AP3D1: variants seen among roughly 807,000 people sequenced by gnomAD.
AP3D1 encodes AP-3 complex subunit delta-1.
Under a neutral mutation model 147.6 loss-of-function variants are expected in AP3D1, and 51 were observed. The ratio of observed to expected loss-of-function variants is 0.35; its 90% CI spans 0.28 to 0.44. The LOEUF (loss-of-function observed/expected upper bound fraction) is 0.44. Ranked by LOEUF, AP3D1 falls within the 20% of genes least tolerant of loss-of-function variation. The pLI, the probability that AP3D1 is intolerant of heterozygous loss-of-function variation, is 1.00. For missense variants in AP3D1, 1,421 were observed against 1,624.2 expected, an observed-to-expected ratio of 0.87 and a Z score of 2.15; for synonymous variants, 760 against 663.0, an observed-to-expected ratio of 1.15 and a Z score of -2.25.
At position 2,122,918 on chromosome 19, in the gene AP3D1, C is replaced by T. The variant is rs117828831; in HGVS notation, c.955+440G>A. On this transcript the variant is annotated intron_variant, in intron 11 of 31. Coordinates refer to ENST00000643116, the MANE Select transcript of AP3D1 (RefSeq NM_001261826.3). ...ATTCTGATTCCTCAACAGAGCAGCA[C>T]GGGGGCACCCACATGCAGGCAGGCA... Among the ~76,000 whole-genome samples the T allele has an allele frequency of 2.6e-4, 40 of 152,346 alleles. No individual in the cohort carries two copies. In the East Asian group the frequency reaches 7.1e-3, roughly 27 times the overall value.
chr19:2,115,764 C>G (rs555614235), intron 18 of AP3D1, 151 bp from the exon 19 acceptor site: 3 of 783,552 alleles, frequency 3.8e-6, no homozygotes, highest in Non-Finnish European at 6.0e-6. Context: ...GCGCCGTGAG[C>G]GAGCGCATCC....
At chr19:2,149,423 A>G (rs1290258597) in intron 1 of AP3D1, among the ~76,000 whole-genome samples, 1 of 152,028 alleles carries the variant, frequency 6.6e-6, no homozygotes, top group Non-Finnish European at 1.5e-5. Context: ...GCATGCCTGT[A>G]ATCCCAGCTA....
intron 1 of AP3D1, among the ~76,000 whole-genome samples, chr19:2,139,825 C>T (rs540089741): frequency 4.6e-5 from 7 of 152,304 alleles, no homozygotes; most frequent in South Asian, 4.1e-4. Flanking sequence ...CACCCCATCA[C>T]GCTTCTGTCC....
chr19:2,160,326 C>T (rs2019685975), intron 1 of AP3D1, among the ~76,000 whole-genome samples: 2 of 152,132 alleles, frequency 1.3e-5, no homozygotes, highest in East Asian at 1.9e-4. Flanking sequence ...GTCAGGAGTT[C>T]GAGACCAGCC....
At chr19:2,148,996 G>C (rs898194170) in intron 1 of AP3D1, among the ~76,000 whole-genome samples, 8 of 152,134 alleles carry the variant, frequency 5.3e-5, no homozygotes, top group African/African-American at 1.9e-4. Context: ...GTGAGTGGGG[G>C]TGCTGGAGGT....
rs141673312 is a variant in AP3D1 at position 2,148,853 on chromosome 19, G to A, written c.96+2386C>T. Reference sequence around the variant, plus strand: ...CAAGTTTTAGGTGAAAATCTATTACGAAATGGAAACTTTTTTTGGAAACTA... The same window carrying A: ...CAAGTTTTAGGTGAAAATCTATTACAAAATGGAAACTTTTTTTGGAAACTA... On this transcript the variant is annotated intron_variant, in intron 1 of 31. Coordinates refer to ENST00000643116, the MANE Select transcript of AP3D1 (RefSeq NM_001261826.3). Among the ~76,000 whole-genome samples the A allele has an allele frequency of 5.1e-4, 78 of 152,304 alleles. No individual in the cohort carries two copies. In the Middle Eastern group the frequency reaches 0.014, roughly 27 times the overall value.
At chr19:2,160,346 T>C (rs1004437161) in intron 1 of AP3D1, among the ~76,000 whole-genome samples, 3 of 151,972 alleles carry the variant, frequency 2.0e-5, no homozygotes, top group Non-Finnish European at 4.4e-5. Context: ...CTAGCCAACA[T>C]GGTGAAACCC....
intron 31 of AP3D1, among the ~76,000 whole-genome samples, chr19:2,108,379 C>A (rs912009870): frequency 6.6e-6 from 1 of 152,168 alleles, no homozygotes; most frequent in African/African-American, 2.4e-5. Context: ...AGAGTCCGAC[C>A]CCAGGGCCTT....
intron 1 of AP3D1, among the ~76,000 whole-genome samples, chr19:2,161,123 T>TACA (rs2019693433): frequency 6.6e-6 from 1 of 150,664 alleles, no homozygotes; most frequent in Admixed American, 6.6e-5. Flanking sequence ...CCTCCTGGTT[T>TACA]ACACTGTCTG....
rs756996435 is a variant in AP3D1 at position 2,112,983 on chromosome 19, G to A, written c.2680-16C>T. The A allele has an allele frequency of 2.5e-6, 4 of 1,593,470 alleles. No individual in the cohort carries two copies. The African/African-American group carries it at 5.4e-5, about 21-fold the overall frequency. On this transcript the variant is annotated splice_polypyrimidine_tract_variant and intron_variant, in intron 23 of 31. Coordinates refer to ENST00000643116, the MANE Select transcript of AP3D1 (RefSeq NM_001261826.3). ...TGAGCTCCCCCTGCAGGGAGCCAGG[G>A]CTTGGGGCTCATGCTGGGCAATGAG... is the stretch of plus-strand genomic sequence containing the variant.
intron 6 of AP3D1, among the ~76,000 whole-genome samples, 157 bp from the exon 7 acceptor site, chr19:2,129,614 C>T (rs143173547): frequency 2.0e-3 from 304 of 152,348 alleles, no homozygotes; most frequent in South Asian, 0.013. Context: ...GGGACAGCAG[C>T]CACAGACCTG....
At chr19:2,148,573 G>C (rs1599498297) in intron 1 of AP3D1, among the ~76,000 whole-genome samples, 1 of 152,210 alleles carries the variant, frequency 6.6e-6, no homozygotes, top group African/African-American at 2.4e-5. Flanking sequence ...TCAGCGCTCT[G>C]GCGCTTCCAG....
intron 1 of AP3D1, 85 bp from the exon 2 acceptor site, chr19:2,138,799 C>T (rs1299743150): frequency 1.9e-5 from 18 of 955,966 alleles, no homozygotes; most frequent in African/African-American, 6.4e-5. Context: ...CAGTGGCTCA[C>T]GCCTGTAATC....
At chr19:2,124,607 A>G (rs2018701012) in intron 9 of AP3D1, among the ~76,000 whole-genome samples, 1 of 152,168 alleles carries the variant, frequency 6.6e-6, no homozygotes, top group Non-Finnish European at 1.5e-5. Context: ...TTTTTAAGAC[A>G]TGGGTTCTTG....
chr19:2,107,522 T>C (rs1568273681), intron 31 of AP3D1, among the ~76,000 whole-genome samples: 1 of 151,398 alleles, frequency 6.6e-6, no homozygotes, highest in African/African-American at 2.4e-5. Context: ...GGGCAGATCA[T>C]GAGGTCAGGA....
chr19:2,146,644 T>C (rs1423491430), intron 1 of AP3D1, among the ~76,000 whole-genome samples: 4 of 148,998 alleles, frequency 2.7e-5, no homozygotes, highest in Admixed American at 6.7e-5. Flanking sequence ...CAATGTCCTA[T>C]GCACTGCATA....
Position 2,109,862 on chromosome 19 carries a change from C to T in AP3D1, c.3350+11G>A. 6.2e-7 allele frequency: 1 copy of T among 1,613,222 alleles called. No individual in the cohort carries two copies. The highest frequency in any genetic ancestry group is 8.5e-7 in the Non-Finnish European group (1 of 1,179,804). ...GGTTCGGGGACATAGGGGAGTGGGC[C>T]TGGGCCCCACCTGTAGCAGGGAGTG... On this transcript the variant is annotated intron_variant, in intron 29 of 31. Transcript: ENST00000643116.
rs868266331 is a variant in AP3D1 at position 2,123,858 on chromosome 19, C to T, written c.878G>A (p.Gly293Asp). Residue 293 changes from glycine to aspartate, a missense_variant, in exon 10 of 32, where the codon GGC becomes GAC. Physicochemically the swap from Gly to Asp is moderately conservative, Grantham distance 94. Coordinates refer to ENST00000643116, the MANE Select transcript of AP3D1 (RefSeq NM_001261826.3). ...VIAVLISLSS[G>D]MPNHSASIQL... The stretch of plus-strand genomic sequence containing the variant: ...GATGCTGGCGCTGTGGTTGGGCATG[C>T]CGGAGGACAGCGAGATGAGCACTGC... 1 of 1,578,254 alleles carries T rather than the reference C, an allele frequency of 6.3e-7. No homozygotes were observed. Among genetic ancestry groups the T allele is most frequent in the Non-Finnish European group, 8.6e-7 (1 of 1,162,286 alleles).
At chr19:2,148,146 CAAAAA>C (rs5826756) in intron 1 of AP3D1, among the ~76,000 whole-genome samples, 9 of 98,152 alleles carry the variant, frequency 9.2e-5, no homozygotes, top group South Asian at 7.2e-4. Context: ...GACTCCGTCT[CAAAAA>C]AAAAAAAAAA....
Sources: gnomAD v4.1 joint callset for allele counts (sites outside exome capture counted in the v4.1 genomes callset) on GRCh38, gnomAD v4.1.1 for gene constraint, MANE v1.5 for transcripts, NCBI Gene and HGNC (gene_info 2026-07-23, HGNC 2026-07-21) for gene names.